PCDHA12: variants seen among roughly 807,000 people sequenced by gnomAD.
PCDHA12 encodes protocadherin alpha 12, also known as protocadherin alpha-12.
PCDHA12 carries 44 observed loss-of-function variants against 60.0 expected under a neutral mutation model. That is an observed-to-expected ratio of 0.73 (90% confidence interval 0.58 to 0.94). PCDHA12 has a LOEUF of 0.94. Among genes scored for constraint, PCDHA12 ranks in the 40% least tolerant of loss-of-function variants. The pLI is 0.00. For synonymous variants in PCDHA12, 569 were observed against 553.0 expected, an observed-to-expected ratio of 1.03 and a Z score of -0.40; for missense variants, 1,276 against 1,239.7, an observed-to-expected ratio of 1.03 and a Z score of -0.44.
chr5:140,884,472 G>A (rs1382253304), intron 1 of PCDHA12: 2 of 1,613,830 alleles, frequency 1.2e-6, no homozygotes, highest in Non-Finnish European at 1.7e-6. Flanking sequence ...TGCGCGCCGG[G>A]CAAGCCCACT....
At chr5:140,984,227 T>C (rs571404372) in intron 3 of PCDHA12, among the ~76,000 whole-genome samples, 1 of 152,336 alleles carries the variant, frequency 6.6e-6, no homozygotes, top group Admixed American at 6.5e-5. Context: ...CTTGCTCTTA[T>C]GGAGGCATTG....
At chr5:140,947,147 C>A (rs1025959771) in intron 1 of PCDHA12, among the ~76,000 whole-genome samples, 1 of 151,270 alleles carries the variant, frequency 6.6e-6, no homozygotes, top group African/African-American at 2.4e-5. Flanking sequence ...TGTATAGTTA[C>A]TTCCACGGGG....
intron 1 of PCDHA12, among the ~76,000 whole-genome samples, chr5:140,911,118 G>A (rs11955654): frequency 0.019 from 2,929 of 152,274 alleles, 39 homozygotes; most frequent in East Asian, 0.055. Flanking sequence ...AGCCATCACT[G>A]TTGCCTCAGG....
chr5:140,937,953 T>G (rs955302275), intron 1 of PCDHA12, among the ~76,000 whole-genome samples: 5 of 152,174 alleles, frequency 3.3e-5, no homozygotes, highest in South Asian at 2.1e-4. Flanking sequence ...TGGCTTTTGT[T>G]GAAAGTATAT....
intron 1 of PCDHA12, among the ~76,000 whole-genome samples, chr5:140,887,550 TACTG>T (rs2061493394): frequency 1.3e-5 from 2 of 152,206 alleles, no homozygotes; most frequent in Non-Finnish European, 2.9e-5. Flanking sequence ...CCCTCATGGT[TACTG>T]TTAAAACTTT....
intron 1 of PCDHA12, among the ~76,000 whole-genome samples, chr5:140,918,659 G>A (rs1584109247): frequency 6.6e-6 from 1 of 152,172 alleles, no homozygotes; most frequent in Non-Finnish European, 1.5e-5. Context: ...TTCTCATGTT[G>A]ATGGTATGAA....
At chr5:140,913,987 T>C (rs562066581) in intron 1 of PCDHA12, among the ~76,000 whole-genome samples, 5 of 152,318 alleles carry the variant, frequency 3.3e-5, no homozygotes, top group African/African-American at 1.2e-4. Context: ...ACTTGTATTG[T>C]GACTAGCATA....
chr5:140,989,727 A>C (rs1203211477), intron 3 of PCDHA12, among the ~76,000 whole-genome samples: 7 of 152,190 alleles, frequency 4.6e-5, no homozygotes, highest in African/African-American at 1.7e-4. Context: ...TTTGCAGTTG[A>C]AAAGGCCATT....
chr5:140,889,700 T>C (rs1554184005), intron 1 of PCDHA12, among the ~76,000 whole-genome samples: 1 of 152,200 alleles, frequency 6.6e-6, no homozygotes, highest in African/African-American at 2.4e-5. Context: ...TATGGGCATA[T>C]TCCACAAGTT....
intron 1 of PCDHA12, among the ~76,000 whole-genome samples, chr5:140,907,040 G>A (rs781947448): frequency 1.4e-4 from 21 of 152,290 alleles, no homozygotes; most frequent in Non-Finnish European, 2.4e-4. Context: ...ATGTCACAGG[G>A]ACAGTAAGCA....
At chr5:140,957,255 T>C (rs577479092) in intron 1 of PCDHA12, among the ~76,000 whole-genome samples, 88 of 152,306 alleles carry the variant, frequency 5.8e-4, no homozygotes, top group Non-Finnish European at 1.0e-3. Flanking sequence ...AAAATTTAAA[T>C]ATGTAAGCAC....
chr5:140,941,201 TC>T (rs1462646812), intron 1 of PCDHA12, among the ~76,000 whole-genome samples: 2 of 103,500 alleles, frequency 1.9e-5, no homozygotes, highest in African/African-American at 7.9e-5. Context: ...TTTTCTTTCT[TC>T]CTTTCTTTCT....
intron 1 of PCDHA12, among the ~76,000 whole-genome samples, chr5:140,919,522 C>CT (rs1554199133): frequency 6.6e-6 from 1 of 152,000 alleles, no homozygotes; most frequent in African/African-American, 2.4e-5. Context: ...TTTTAATTCT[C>CT]TTTTTTTCCT....
intron 1 of PCDHA12, among the ~76,000 whole-genome samples, chr5:140,973,010 T>C (rs2096567986): frequency 6.6e-6 from 1 of 152,080 alleles, no homozygotes; most frequent in Admixed American, 6.6e-5. Context: ...GGTCGTGGTG[T>C]TGTGATTGTT....
At chr5:140,970,909 A>G (rs1356718314) in intron 1 of PCDHA12, among the ~76,000 whole-genome samples, 1 of 152,180 alleles carries the variant, frequency 6.6e-6, no homozygotes, top group African/African-American at 2.4e-5. Context: ...AGATTTATTC[A>G]TTTATCAGAA....
chr5:140,883,946 G>T (rs139225969), intron 1 of PCDHA12: 2 of 1,613,274 alleles, frequency 1.2e-6, no homozygotes, highest in Non-Finnish European at 1.7e-6. Flanking sequence ...GGACGAGAAC[G>T]ACAACGCTCC....
chr5:141,007,498 G>A (rs936217793), intron 3 of PCDHA12, among the ~76,000 whole-genome samples: 1 of 151,942 alleles, frequency 6.6e-6, no homozygotes. Flanking sequence ...GACCTAGGAG[G>A]CAGAGACTGC....
chr5:140,955,220 A>T (rs1016918569), intron 1 of PCDHA12, among the ~76,000 whole-genome samples: 1 of 152,130 alleles, frequency 6.6e-6, no homozygotes, highest in Non-Finnish European at 1.5e-5. Flanking sequence ...TGATGCCTCC[A>T]GCTTTGTTCT....
chr5:140,917,778 G>A (rs1271229686), intron 1 of PCDHA12, among the ~76,000 whole-genome samples: 4 of 152,218 alleles, frequency 2.6e-5, no homozygotes, highest in African/African-American at 9.6e-5. Flanking sequence ...TTAGTACCAT[G>A]TTGTTTTGGT....
Sources: gnomAD v4.1 joint callset for allele counts (sites outside exome capture counted in the v4.1 genomes callset) on GRCh38, gnomAD v4.1.1 for gene constraint, MANE v1.5 for transcripts, NCBI Gene and HGNC (gene_info 2026-07-23, HGNC 2026-07-21) for gene names.